The following ZNF385B variants were observed in gnomAD, a reference collection of about 807,000 sequenced individuals.
ZNF385B encodes the protein zinc finger protein 385B.
A neutral mutation model predicts 39.2 loss-of-function variants in ZNF385B; 23 were observed. That is an observed-to-expected ratio of 0.59 (90% CI 0.42 to 0.83). The LOEUF (loss-of-function observed/expected upper bound fraction) is 0.83. Ranked by LOEUF, ZNF385B falls within the 40% of genes least tolerant of loss-of-function variation. ZNF385B has a pLI of 0.00. For synonymous variants in ZNF385B, 205 were observed against 222.6 expected, an observed-to-expected ratio of 0.92 and a Z score of 0.70; for missense variants, 552 against 598.9, an observed-to-expected ratio of 0.92 and a Z score of 0.82.
intron 4 of ZNF385B, among the ~76,000 whole-genome samples, chr2:179,518,898 C>T (rs1162239844): frequency 1.3e-5 from 2 of 152,048 alleles, no homozygotes; most frequent in African/African-American, 2.4e-5. Flanking sequence ...TTCCAGAAAC[C>T]TAATGTCTCT....
At chr2:179,816,981 T>A (rs1025918524) in intron 1 of ZNF385B, among the ~76,000 whole-genome samples, 1 of 152,138 alleles carries the variant, frequency 6.6e-6, no homozygotes, top group African/African-American at 2.4e-5. Flanking sequence ...GTGTCCCAAA[T>A]GTTGCTTTCC....
intron 3 of ZNF385B, among the ~76,000 whole-genome samples, chr2:179,658,474 C>T (rs1433447904): frequency 6.6e-6 from 1 of 152,196 alleles, no homozygotes; most frequent in Non-Finnish European, 1.5e-5. Context: ...GAAATCATTT[C>T]ATACAGGAAA....
intron 1 of ZNF385B, among the ~76,000 whole-genome samples, chr2:179,776,083 T>C (rs1253317268): frequency 1.3e-5 from 2 of 152,210 alleles, no homozygotes; most frequent in Non-Finnish European, 2.9e-5. Flanking sequence ...CTGGACTATA[T>C]TGCATGAACC....
At chr2:179,526,427 T>TAA (rs879695720) in intron 4 of ZNF385B, among the ~76,000 whole-genome samples, 3 of 143,724 alleles carry the variant, frequency 2.1e-5, no homozygotes, top group Non-Finnish European at 1.5e-5. Context: ...CTGTCTCTAC[T>TAA]AAAAAAAAAA....
At chr2:179,727,762 GA>G (rs1701112387) in intron 3 of ZNF385B, among the ~76,000 whole-genome samples, 2 of 151,998 alleles carry the variant, frequency 1.3e-5, no homozygotes, top group South Asian at 4.1e-4. Context: ...ATGTATTTAA[GA>G]CATATGGAGT....
chr2:179,495,209 C>T (rs781115219), intron 5 of ZNF385B, among the ~76,000 whole-genome samples: 2 of 152,158 alleles, frequency 1.3e-5, no homozygotes, highest in Non-Finnish European at 2.9e-5. Flanking sequence ...CTTAAGGGAA[C>T]ATTGACAGAA....
intron 6 of ZNF385B, among the ~76,000 whole-genome samples, chr2:179,469,012 C>T (rs2052437441): frequency 6.6e-6 from 1 of 152,114 alleles, no homozygotes; most frequent in African/African-American, 2.4e-5. Flanking sequence ...AATCTGCAGC[C>T]TTATTACAAC....
intron 3 of ZNF385B, among the ~76,000 whole-genome samples, chr2:179,736,682 T>A (rs1318440297): frequency 6.6e-6 from 1 of 152,178 alleles, no homozygotes; most frequent in Non-Finnish European, 1.5e-5. Context: ...TAAAACTTTA[T>A]ACCAGGGCCA....
At chr2:179,680,961 A>C (rs1189256263) in intron 3 of ZNF385B, among the ~76,000 whole-genome samples, 2 of 152,150 alleles carry the variant, frequency 1.3e-5, no homozygotes, top group Non-Finnish European at 2.9e-5. Flanking sequence ...TCACACATCT[A>C]GAAAGTGGCA....
intron 6 of ZNF385B, among the ~76,000 whole-genome samples, chr2:179,459,293 T>C (rs2051036308): frequency 6.6e-6 from 1 of 152,152 alleles, no homozygotes; most frequent in Non-Finnish European, 1.5e-5. Context: ...CTCTGAGAGA[T>C]GGCAAAGATT....
intron 6 of ZNF385B, among the ~76,000 whole-genome samples, chr2:179,455,041 A>G (rs1242560516): frequency 6.6e-6 from 1 of 152,152 alleles, no homozygotes; most frequent in Non-Finnish European, 1.5e-5. Context: ...GGGCCTTCAC[A>G]TTCACCACTC....
intron 3 of ZNF385B, among the ~76,000 whole-genome samples, chr2:179,742,877 T>G (rs1324240749): frequency 2.0e-5 from 3 of 152,050 alleles, no homozygotes; most frequent in Admixed American, 2.0e-4. Context: ...TTCAAGATGC[T>G]ATACCTTAAT....
Position 179,442,552 on chromosome 2 carries a change from ATTATT to A in ZNF385B, c.*693_*697del, listed in dbSNP as rs1450469098. The A allele has an allele frequency of 6.5e-6, 1 of 152,678 alleles. No individual in the cohort carries two copies. The allele number at this position is 152,678 out of a possible 1,614,324, so 9.5% of individuals were successfully genotyped here. A position where few individuals can be genotyped will look rare whatever the true frequency, so the allele number is the denominator to read the frequency against. ...ATAAAATGTGAAATAAAGAAAATAC[ATTATT>A]TTATCTTTTATTCTCTTACAGAGAA... On this transcript the variant is annotated 3_prime_UTR_variant, in exon 10 of 10. Transcript: ENST00000410066.
chr2:179,522,777 T>C (rs1273116815), intron 4 of ZNF385B: 5 of 276,696 alleles, frequency 1.8e-5, no homozygotes, highest in Non-Finnish European at 3.8e-5. Context: ...AATAAAGCTG[T>C]CTATGGATTG....
chr2:179,487,797 A>G (rs1402672912), intron 5 of ZNF385B, among the ~76,000 whole-genome samples: 5 of 152,214 alleles, frequency 3.3e-5, no homozygotes, highest in Non-Finnish European at 7.3e-5. Context: ...CTTCACAAGA[A>G]TTGCCAGAAT....
chr2:179,750,020 T>C (rs1575416916), intron 3 of ZNF385B, among the ~76,000 whole-genome samples: 1 of 152,254 alleles, frequency 6.6e-6, no homozygotes, highest in East Asian at 1.9e-4. Context: ...ATCAATCCCT[T>C]AGAGTTCTGT....
intron 4 of ZNF385B, among the ~76,000 whole-genome samples, chr2:179,522,663 A>T (rs927090794): frequency 2.0e-5 from 3 of 149,580 alleles, no homozygotes; most frequent in African/African-American, 7.4e-5. Flanking sequence ...ATGAACAAGT[A>T]CTTTCAAAAA....
At chr2:179,584,948 C>T (rs978648727) in intron 3 of ZNF385B, among the ~76,000 whole-genome samples, 12 of 152,120 alleles carry the variant, frequency 7.9e-5, no homozygotes, top group African/African-American at 2.9e-4. Context: ...CCTGATGTCA[C>T]ACACAGAGAG....
At chr2:179,731,426 C>G (rs1701382233) in intron 3 of ZNF385B, among the ~76,000 whole-genome samples, 1 of 148,446 alleles carries the variant, frequency 6.7e-6, no homozygotes, top group African/African-American at 2.4e-5. Flanking sequence ...TCTTAATTCA[C>G]TCGTAACTGT....
Sources: allele counts gnomAD v4.1 joint callset (sites outside exome capture counted in the v4.1 genomes callset), GRCh38; gene constraint gnomAD v4.1.1; transcripts MANE v1.5; gene names NCBI Gene and HGNC (gene_info 2026-07-23, HGNC 2026-07-21).